The following UPF2 variants were observed in gnomAD, a reference collection of about 807,000 sequenced individuals.
UPF2 encodes UPF2 regulator of nonsense mediated mRNA decay, also known as regulator of nonsense transcripts 2.
In UPF2, 17 loss-of-function variants were observed where a neutral mutation model predicts 141.4. The ratio of observed to expected loss-of-function variants is 0.12; its 90% CI spans 0.08 to 0.18. The LOEUF (loss-of-function observed/expected upper bound fraction) is 0.18, where lower values mean the gene tolerates loss of function less well. Ranked by LOEUF, UPF2 falls within the 10% of genes least tolerant of loss-of-function variation. UPF2 has a pLI of 1.00. For missense variants in UPF2, 1,152 were observed against 1,515.9 expected, an observed-to-expected ratio of 0.76 and a Z score of 3.99; for synonymous variants, 540 against 498.0, an observed-to-expected ratio of 1.08 and a Z score of -1.12.
intron 15 of UPF2, among the ~76,000 whole-genome samples, chr10:11,951,224 G>A (rs896808839): frequency 6.6e-6 from 1 of 151,930 alleles, no homozygotes; most frequent in African/African-American, 2.4e-5. Context: ...CAACATTCCT[G>A]GATAATTTTT....
rs1011377074 is a variant in UPF2 at position 11,980,059 on chromosome 10, G to A, written c.1845-894C>T. 1.3e-5 allele frequency among the ~76,000 whole-genome samples: 2 copies of A among 152,166 alleles called. No homozygotes were observed. Among genetic ancestry groups the A allele is most frequent in the Non-Finnish European group, 2.9e-5 (2 of 68,036 alleles). ...CAGGATCTTAATTTGGACAGTAAAT[G>A]GCAAATATGTGGCACTCACACTGCC... On this transcript the variant is annotated intron_variant, in intron 8 of 21. Transcript: ENST00000357604. This position sits in a 1 kb window ranked among gnomAD's most constrained non-coding sequence, Gnocchi z 4.2.
Position 11,998,209 on chromosome 10 carries a change from G to T in UPF2, c.1759-452C>A, listed in dbSNP as rs1251772337. 6.6e-6 allele frequency among the ~76,000 whole-genome samples: 1 copy of T among 152,072 alleles called. No homozygotes were observed. The highest frequency in any genetic ancestry group is 6.6e-5 in the Admixed American group (1 of 15,256). On this transcript the variant is annotated intron_variant, in intron 7 of 21. Coordinates refer to ENST00000357604, the MANE Select transcript of UPF2 (RefSeq NM_015542.4). This position sits in a 1 kb window ranked among gnomAD's most constrained non-coding sequence, Gnocchi z 4.5. ...AGCCTGATAAGCGGCCTCAGTGAAGGTCTCTCTGACCAACCCTTGTTTCTC... is the reference window on the plus strand; with the variant it reads ...AGCCTGATAAGCGGCCTCAGTGAAGTTCTCTCTGACCAACCCTTGTTTCTC...
At chr10:12,021,486 C>T (rs1476232483) in intron 3 of UPF2, among the ~76,000 whole-genome samples, 1 of 152,016 alleles carries the variant, frequency 6.6e-6, no homozygotes, top group Non-Finnish European at 1.5e-5. Context: ...TGCACCATGA[C>T]ACTCCAGCCT....
chr10:12,030,494 C>G (rs573500570), intron 2 of UPF2, among the ~76,000 whole-genome samples: 1 of 151,980 alleles, frequency 6.6e-6, no homozygotes, highest in Admixed American at 6.6e-5. Context: ...AAGCCAAGAT[C>G]TCCCAACTGC....
intron 9 of UPF2, among the ~76,000 whole-genome samples, chr10:11,972,453 T>C (rs1006123464): frequency 1.3e-5 from 2 of 152,220 alleles, no homozygotes; most frequent in African/African-American, 4.8e-5. Flanking sequence ...TACATAGGTA[T>C]ACATGTGCCA....
chr10:12,034,729 C>T (rs906598640), intron 2 of UPF2, among the ~76,000 whole-genome samples: 5 of 152,054 alleles, frequency 3.3e-5, no homozygotes, highest in Non-Finnish European at 7.4e-5. Context: ...CACTTGAACC[C>T]AGGAGGCGGA....
intron 9 of UPF2, among the ~76,000 whole-genome samples, chr10:11,971,690 T>C (rs905506623): frequency 2.6e-5 from 4 of 152,220 alleles, no homozygotes; most frequent in African/African-American, 7.2e-5. Flanking sequence ...CAATCATCCA[T>C]AGCAAAAATG....
chr10:11,943,767 C>T (rs1032248577), intron 16 of UPF2, among the ~76,000 whole-genome samples: 1 of 152,032 alleles, frequency 6.6e-6, no homozygotes, highest in African/African-American at 2.4e-5. Flanking sequence ...AAGCAGAAGA[C>T]CTGGCCTTTC....
In UPF2 at chr10:11,959,102, C is replaced by T. The variant is rs1326545791; in HGVS notation, c.2370+69G>A. The T allele has an allele frequency of 1.4e-6, 2 of 1,454,264 alleles. No individual in the cohort carries two copies. Among genetic ancestry groups the T allele is most frequent in the Admixed American group, 2.5e-5 (1 of 39,506 alleles). The allele number at this position is 1,454,264 out of a possible 1,614,324, so 90.1% of individuals were successfully genotyped here. The stretch of plus-strand genomic sequence containing the variant: ...GAGCTCTACCCCCACTTCTCCTAGA[C>T]TCTACATAAGCTTAGCACTACCACA... On this transcript the variant is annotated intron_variant, in intron 12 of 21. Coordinates refer to ENST00000357604, the MANE Select transcript of UPF2 (RefSeq NM_015542.4). This position sits in a 1 kb window ranked among gnomAD's most constrained non-coding sequence, Gnocchi z 5.9.
intron 14 of UPF2, among the ~76,000 whole-genome samples, chr10:11,954,211 A>G (rs1428033233): frequency 1.3e-5 from 2 of 152,210 alleles, no homozygotes; most frequent in Non-Finnish European, 2.9e-5. Context: ...CTAAATCACA[A>G]GTTTATATAA....
chr10:11,938,377 C>T (rs1832880367), intron 18 of UPF2, among the ~76,000 whole-genome samples: 1 of 151,912 alleles, frequency 6.6e-6, no homozygotes, highest in Non-Finnish European at 1.5e-5. Flanking sequence ...GTATATTTAG[C>T]TTTATAAAGA....
rs1491062207 is a variant in UPF2, at chr10:11,938,851, TTG to T, written c.3379-2141_3379-2140del. 3.3e-3 allele frequency among the ~76,000 whole-genome samples: 389 copies of T among 116,132 alleles called. 35 individuals are homozygous for T. Among genetic ancestry groups the T allele is most frequent in the African/African-American group, 0.011 (277 of 26,080 alleles). 76.2% of individuals were successfully genotyped at this position (116,132 alleles called of 152,430 possible). On this transcript the variant is annotated intron_variant, in intron 18 of 21. Transcript: ENST00000357604. ...ATGTGGTCTTAAGCAAGTTTTTTTT[TTG>T]TTTTTTTTTTTTTTTTTTTTTTTTT... is the stretch of plus-strand genomic sequence containing the variant.
intron 3 of UPF2, among the ~76,000 whole-genome samples, chr10:12,015,252 C>T (rs1003852754): frequency 6.6e-6 from 1 of 152,010 alleles, no homozygotes; most frequent in Admixed American, 6.6e-5. Flanking sequence ...GTGAAGAAAA[C>T]GAGGTTTTCT....
chr10:12,032,791 C>T (rs1190369394), intron 2 of UPF2, among the ~76,000 whole-genome samples: 1 of 148,850 alleles, frequency 6.7e-6, no homozygotes, highest in African/African-American at 2.5e-5. Context: ...TATTCCAAAA[C>T]TAGGCACTAC....
chr10:12,011,146 A>G (rs1281988039), intron 4 of UPF2, among the ~76,000 whole-genome samples: 1 of 152,132 alleles, frequency 6.6e-6, no homozygotes, highest in Non-Finnish European at 1.5e-5. Flanking sequence ...ATGACTGGCT[A>G]AATTTGTTTT....
At chr10:11,968,012 C>A (rs1447180626) in intron 9 of UPF2, among the ~76,000 whole-genome samples, 1 of 152,064 alleles carries the variant, frequency 6.6e-6, no homozygotes, top group East Asian at 1.9e-4. Flanking sequence ...AACCCTGTCT[C>A]TACTAAAAAC....
chr10:11,956,388 G>C lies in UPF2; in HGVS notation c.2506C>G (p.Leu836Val). ...TGGATCCCAACATCCTCTTGGTAGA[G>C]CACTAGTCCTGCTAAGAGGTTGGCT... ...CVANLLAGLV[L>V]YQEDVGIHVV... Residue 836 changes from leucine (L) to valine (V), a missense_variant, in exon 13 of 22, where the codon CTC becomes GTC. By Grantham distance (32) the Leu-to-Val change is conservative. Coordinates refer to ENST00000357604, the MANE Select transcript of UPF2 (RefSeq NM_015542.4). This position sits in a 1 kb window ranked among gnomAD's most constrained non-coding sequence, Gnocchi z 4.2. The C allele has an allele frequency of 6.2e-7, 1 of 1,614,076 alleles. No homozygotes were observed. Among genetic ancestry groups the C allele is most frequent in the Non-Finnish European group, 8.5e-7 (1 of 1,179,994 alleles).
chr10:11,970,447 A>G (rs1245723413), intron 9 of UPF2, among the ~76,000 whole-genome samples: 1 of 152,154 alleles, frequency 6.6e-6, no homozygotes, highest in Non-Finnish European at 1.5e-5. Flanking sequence ...TTTTACTTTA[A>G]ATGTTTTCTA....
At chr10:12,001,385 G>C (rs1833949989) in intron 6 of UPF2, among the ~76,000 whole-genome samples, 1 of 151,958 alleles carries the variant, frequency 6.6e-6, no homozygotes, top group African/African-American at 2.4e-5. Flanking sequence ...TTGCATTCCA[G>C]CCTGGAGGAC....
Sources: allele counts gnomAD v4.1 joint callset (sites outside exome capture counted in the v4.1 genomes callset), GRCh38; gene constraint gnomAD v4.1.1; non-coding constraint Gnocchi (gnomAD v3.1); transcripts MANE v1.5; gene names NCBI Gene and HGNC (gene_info 2026-07-23, HGNC 2026-07-21).